Variants in TRABD2B observed in about 807,000 individuals in gnomAD.
The protein encoded by TRABD2B is metalloprotease TIKI2.
In TRABD2B, 14 loss-of-function variants were observed where a neutral mutation model predicts 40.1. The observed-to-expected ratio is 0.35, with a 90% CI of 0.23 to 0.55. TRABD2B has a LOEUF of 0.55. TRABD2B is among the 20% of genes least tolerant of loss of function. TRABD2B has a pLI of 0.90. For missense variants in TRABD2B, 541 were observed against 648.6 expected, an observed-to-expected ratio of 0.83 and a Z score of 1.80; for synonymous variants, 263 against 277.0, an observed-to-expected ratio of 0.95 and a Z score of 0.50.
Position 47,997,085 on chromosome 1 carries a change from G to C in TRABD2B, c.-296C>G. On this transcript the variant is annotated 5_prime_UTR_variant, in exon 1 of 7. Transcript: ENST00000606738. The stretch of plus-strand genomic sequence containing the variant: ...CGTGTTGGGGTCCGGGGGCGCGCGG[G>C]GTCCCGGAGCTGCGTCGCGGTCCAG... 1 of 984,014 alleles carries C rather than the reference G, an allele frequency of 1.0e-6. No homozygotes were observed. The highest frequency in any genetic ancestry group is 1.7e-5 in the African/African-American group (1 of 57,176). 61.0% of individuals were successfully genotyped at this position (984,014 alleles called of 1,614,324 possible).
chr1:47,789,679 T>C (rs1041608212), intron 4 of TRABD2B, among the ~76,000 whole-genome samples: 2 of 152,166 alleles, frequency 1.3e-5, no homozygotes, highest in African/African-American at 4.8e-5. Flanking sequence ...AGCCATCAGC[T>C]GAGAATTTGC....
chr1:47,783,906 A>G (rs1644559802), intron 4 of TRABD2B, among the ~76,000 whole-genome samples: 1 of 152,068 alleles, frequency 6.6e-6, no homozygotes, highest in African/African-American at 2.4e-5. Flanking sequence ...TCAATTAACC[A>G]TGTCACCTTG....
At chr1:47,820,510 A>T (rs1268299581) in intron 2 of TRABD2B, among the ~76,000 whole-genome samples, 1 of 152,232 alleles carries the variant, frequency 6.6e-6, no homozygotes, top group South Asian at 2.1e-4. Flanking sequence ...GTGAGGTACC[A>T]GGAAAATGCG....
chr1:47,994,290 G>A lies in TRABD2B; in HGVS notation c.410C>T (p.Thr137Met). 2 of 1,536,560 alleles carry A rather than the reference G, an allele frequency of 1.3e-6. No individual in the cohort carries two copies. Among genetic ancestry groups the A allele is most frequent in the Non-Finnish European group, 8.7e-7 (1 of 1,146,980 alleles). The change falls in exon 2 of 7, where the codon ACG becomes ATG. Residue 137 changes from threonine (T) to methionine (M), a missense_variant. Physicochemically the swap from Thr to Met is moderately conservative, Grantham distance 81. Coordinates refer to ENST00000606738, the MANE Select transcript of TRABD2B (RefSeq NM_001194986.2). The surrounding 1 kb of genome is among the most constrained non-coding windows in gnomAD (Gnocchi z 6.7). Reference protein sequence around the residue: ...YVKLMMPSWMTPAQRGKGLYA... With the variant: ...YVKLMMPSWMMPAQRGKGLYA... ...GAGCCCCTTGCCCCGCTGAGCGGGC[G>A]TCATCCAGGAGGGCATCATCAACTT...
At chr1:47,910,648 T>A (rs1644750449) in intron 2 of TRABD2B, among the ~76,000 whole-genome samples, 1 of 152,122 alleles carries the variant, frequency 6.6e-6, no homozygotes, top group African/African-American at 2.4e-5. Context: ...AGTGTAGTAG[T>A]TAGAAAAAGC....
At chr1:47,975,279 T>C (rs898418607) in intron 2 of TRABD2B, among the ~76,000 whole-genome samples, 1 of 152,202 alleles carries the variant, frequency 6.6e-6, no homozygotes, top group Non-Finnish European at 1.5e-5. Context: ...ATTCTGTAAA[T>C]CAAAAACTGT....
chr1:47,919,339 G>A (rs1025810655), intron 2 of TRABD2B, among the ~76,000 whole-genome samples: 35 of 152,336 alleles, frequency 2.3e-4, no homozygotes, highest in African/African-American at 7.9e-4. Context: ...GCTATCCAAG[G>A]AGACTGAAAC....
At chr1:47,895,526 G>A (rs1644505868) in intron 2 of TRABD2B, among the ~76,000 whole-genome samples, 1 of 152,154 alleles carries the variant, frequency 6.6e-6, no homozygotes, top group Non-Finnish European at 1.5e-5. Flanking sequence ...TTGCCCTCAG[G>A]TCTCGCTTCC....
intron 3 of TRABD2B, 54 bp downstream of exon 3, chr1:47,801,419 G>T (rs747918987): frequency 7.3e-6 from 11 of 1,508,160 alleles, no homozygotes; most frequent in Non-Finnish European, 8.9e-6. Context: ...TGCCTGGCAC[G>T]TCATAGGGAT....
chr1:47,970,716 G>C (rs1206868319), intron 2 of TRABD2B, among the ~76,000 whole-genome samples: 1 of 152,136 alleles, frequency 6.6e-6, no homozygotes, highest in African/African-American at 2.4e-5. Flanking sequence ...ATGTGTCTTG[G>C]GGGTGACTCT....
intron 2 of TRABD2B, among the ~76,000 whole-genome samples, chr1:47,970,833 G>C (rs144797254): frequency 3.9e-5 from 6 of 152,140 alleles, no homozygotes; most frequent in Non-Finnish European, 7.4e-5. Flanking sequence ...AGAGGCACGA[G>C]AGGATGAGCT....
chr1:47,895,620 C>T (rs1488072485), intron 2 of TRABD2B, among the ~76,000 whole-genome samples: 3 of 152,246 alleles, frequency 2.0e-5, no homozygotes, highest in Non-Finnish European at 4.4e-5. Flanking sequence ...CTGTCCATCA[C>T]CCTGGCTTGG....
chr1:47,963,131 A>C (rs1645546312), intron 2 of TRABD2B, among the ~76,000 whole-genome samples: 1 of 152,218 alleles, frequency 6.6e-6, no homozygotes, highest in South Asian at 2.1e-4. Context: ...AGACTGACTT[A>C]AACACACATA....
intron 2 of TRABD2B, among the ~76,000 whole-genome samples, chr1:47,903,064 G>T (rs1644624176): frequency 1.3e-5 from 2 of 152,042 alleles, no homozygotes; most frequent in South Asian, 2.1e-4. Flanking sequence ...CTCCCTGGAG[G>T]AGTGTTCCCA....
chr1:47,786,148 G>A (rs2124155249), intron 4 of TRABD2B, among the ~76,000 whole-genome samples: 1 of 152,378 alleles, frequency 6.6e-6, no homozygotes, highest in South Asian at 2.1e-4. Context: ...CATCTGCAGA[G>A]TGGGAGGCCG....
intron 6 of TRABD2B, among the ~76,000 whole-genome samples, chr1:47,766,408 G>C (rs537930970): frequency 6.6e-6 from 1 of 152,250 alleles, no homozygotes; most frequent in East Asian, 1.9e-4. Flanking sequence ...CAGGCAGAAA[G>C]AATAGTGTTT....
chr1:47,782,111 T>C (rs1352682940), intron 4 of TRABD2B, among the ~76,000 whole-genome samples: 1 of 152,140 alleles, frequency 6.6e-6, no homozygotes, highest in Non-Finnish European at 1.5e-5. Context: ...TTTGCCCAGA[T>C]GCATTTGTCC....
intron 2 of TRABD2B, among the ~76,000 whole-genome samples, chr1:47,896,541 T>C (rs1644524415): frequency 6.6e-6 from 1 of 152,078 alleles, no homozygotes; most frequent in Admixed American, 6.5e-5. Context: ...CCTCAGATAT[T>C]AGGATCTGCT....
chr1:47,778,514 T>A lies in TRABD2B; in HGVS notation c.1019A>T (p.Asp340Val). The A allele has an allele frequency of 6.5e-7, 1 of 1,536,130 alleles. No individual in the cohort carries two copies. The highest frequency in any genetic ancestry group is 8.7e-7 in the Non-Finnish European group (1 of 1,146,890). Reference sequence around the variant, plus strand: ...CTCCAGCCCTGCCTGCCGCAGGATGTCGATGACTGTGTTGTTCCCCAGAAA... The same window carrying A: ...CTCCAGCCCTGCCTGCCGCAGGATGACGATGACTGTGTTGTTCCCCAGAAA... Reference protein sequence around the residue: ...GHFLGNNTVIDILRQAGLEVD... With the variant: ...GHFLGNNTVIVILRQAGLEVD... The change falls in exon 5 of 7, where the codon GAC (aspartate) becomes GTC (valine). Residue 340 changes from aspartate to valine, a missense_variant. This residue lies in a region of TRABD2B where 369 missense variants were observed against 492.8 expected (regional missense o/e 0.75). Transcript: ENST00000606738.
Sources: gnomAD v4.1 joint callset for allele counts (sites outside exome capture counted in the v4.1 genomes callset) on GRCh38, gnomAD v4.1.1 for gene constraint, gnomAD v4.1.1 regional missense constraint, Gnocchi (gnomAD v3.1) non-coding constraint, MANE v1.5 for transcripts, NCBI Gene and HGNC (gene_info 2026-07-23, HGNC 2026-07-21) for gene names.